PLCH1: variants seen among roughly 807,000 people sequenced by gnomAD.
The protein encoded by PLCH1 is 1-phosphatidylinositol 4,5-bisphosphate phosphodiesterase eta-1.
A neutral mutation model predicts 126.7 loss-of-function variants in PLCH1; 60 were observed. The observed-to-expected ratio is 0.47, with a 90% CI of 0.38 to 0.59. The LOEUF (loss-of-function observed/expected upper bound fraction) is 0.59. PLCH1 is among the 20% of genes least tolerant of loss of function. PLCH1 has a pLI of 0.00. For missense variants in PLCH1, 1,723 were observed against 2,040.0 expected (o/e 0.84, Z 2.99); for synonymous variants, 719 against 734.9 (o/e 0.98, Z 0.35).
chr3:155,729,186 T>A (rs545026270), intron 1 of PLCH1, among the ~76,000 whole-genome samples: 14 of 152,248 alleles, frequency 9.2e-5, no homozygotes, highest in Non-Finnish European at 1.8e-4. Flanking sequence ...CAATTCATCT[T>A]ATCCTCTCTT....
At chr3:155,727,639 C>T (rs981491218) in intron 1 of PLCH1, among the ~76,000 whole-genome samples, 1 of 152,142 alleles carries the variant, frequency 6.6e-6, no homozygotes, top group Admixed American at 6.5e-5. Flanking sequence ...CCGCCCGTCT[C>T]GGCCTCCCAA....
intron 10 of PLCH1, among the ~76,000 whole-genome samples, chr3:155,532,766 T>G (rs551538866): frequency 6.6e-6 from 1 of 152,180 alleles, no homozygotes; most frequent in Non-Finnish European, 1.5e-5. Context: ...TTAAACCTCT[T>G]TCCTCTATAA....
chr3:155,673,270 C>A (rs747152786), intron 2 of PLCH1, among the ~76,000 whole-genome samples: 4 of 151,950 alleles, frequency 2.6e-5, no homozygotes, highest in Non-Finnish European at 4.4e-5. Flanking sequence ...GAATGTTCCT[C>A]TATTACAGTA....
intron 10 of PLCH1, 95 bp from the exon 11 acceptor site, chr3:155,524,099 G>A: frequency 1.3e-6 from 1 of 759,748 alleles, no homozygotes; most frequent in Non-Finnish European, 2.3e-6. Flanking sequence ...TGGATGAGAG[G>A]ATAAACAAAA....
intron 1 of PLCH1, among the ~76,000 whole-genome samples, chr3:155,741,018 C>T (rs1428477190): frequency 6.6e-6 from 1 of 152,170 alleles, no homozygotes; most frequent in African/African-American, 2.4e-5. Context: ...TTGGTTGTCC[C>T]TTCTGCATCT....
At chr3:155,461,149 C>T (rs1452970931) in intron 21 of PLCH1, among the ~76,000 whole-genome samples, 2 of 152,188 alleles carry the variant, frequency 1.3e-5, no homozygotes, top group African/African-American at 4.8e-5. Context: ...TATGTCACAG[C>T]ACATTATGCT....
chr3:155,482,046 G>C lies in PLCH1; in HGVS notation c.3980C>G (p.Ser1327Cys). The C allele has an allele frequency of 6.2e-7, 1 of 1,614,184 alleles. No individual in the cohort carries two copies. Among genetic ancestry groups the C allele is most frequent in the African/African-American group, 1.3e-5 (1 of 75,064 alleles). Residue 1327 changes from serine to cysteine, a missense_variant, in exon 23 of 23, where the codon TCT becomes TGT. Physicochemically the swap from Ser to Cys is moderately radical, Grantham distance 112. Transcript: ENST00000460012. ...ATCCTCCAGGGTCAAATCAGGGGAAGAGGCAGGGCTGCAGCTCTTCAGTGT... is the reference window on the plus strand; with the variant it reads ...ATCCTCCAGGGTCAAATCAGGGGAACAGGCAGGGCTGCAGCTCTTCAGTGT... ...WETLKSCSPA[S>C]SPDLTLEDVI... is the part of the protein sequence containing the mutation.
chr3:155,482,711 A>G lies in PLCH1; in HGVS notation c.3315T>C (p.Pro1105=). 1 of 1,614,200 alleles carries G rather than the reference A, an allele frequency of 6.2e-7. No homozygotes were observed. The highest frequency in any genetic ancestry group is 8.5e-7 in the Non-Finnish European group (1 of 1,180,032). ...HGVKIKEKGN[P]EDFVEGKSIL... is the part of the protein sequence containing the mutation. Reference sequence around the variant, plus strand: ...TGCTTTTCCCTTCCACAAAGTCCTCAGGATTACCCTTTTCCTTGATTTTCA... The same window carrying G: ...TGCTTTTCCCTTCCACAAAGTCCTCGGGATTACCCTTTTCCTTGATTTTCA... The change falls in exon 23 of 23, where the codon CCT becomes CCC. Residue 1105 remains proline (P), a synonymous_variant. Coordinates refer to ENST00000460012, the MANE Select transcript of PLCH1 (RefSeq NM_014996.4).
At chr3:155,659,343 T>TTTC (rs1559907111) in intron 2 of PLCH1, among the ~76,000 whole-genome samples, 1 of 124,980 alleles carries the variant, frequency 8.0e-6, no homozygotes, top group African/African-American at 3.2e-5. Context: ...TTTTTTTTTT[T>TTTC]CCGAGATAGG....
intron 21 of PLCH1, chr3:155,457,015 G>C (rs1273741703): frequency 6.6e-6 from 1 of 152,340 alleles, no homozygotes. Context: ...CTTGGCATCT[G>C]ATTTGGGAAC....
chr3:155,473,524 C>A (rs560306643), intron 21 of PLCH1, among the ~76,000 whole-genome samples: 8 of 149,478 alleles, frequency 5.4e-5, no homozygotes, highest in Non-Finnish European at 1.0e-4. Context: ...AGATTCAATG[C>A]CATCCCCATC....
chr3:155,650,310 C>T (rs1285779078), intron 2 of PLCH1, among the ~76,000 whole-genome samples: 1 of 152,278 alleles, frequency 6.6e-6, no homozygotes, highest in East Asian at 1.9e-4. Context: ...AAATCCAAAT[C>T]CATGCCCTTG....
At chr3:155,456,040 G>T (rs1712434671) in intron 21 of PLCH1, among the ~76,000 whole-genome samples, 1 of 152,174 alleles carries the variant, frequency 6.6e-6, no homozygotes, top group South Asian at 2.1e-4. Flanking sequence ...AGTGTTGTCT[G>T]CCCTGTCGAT....
chr3:155,537,198 AAAC>A (rs549520176), intron 10 of PLCH1, among the ~76,000 whole-genome samples: 1 of 128,102 alleles, frequency 7.8e-6, no homozygotes, highest in Non-Finnish European at 1.6e-5. Context: ...AAAAAAAAAA[AAAC>A]CAAAAAAAAA....
At chr3:155,649,073 C>T (rs1384014384) in intron 2 of PLCH1, among the ~76,000 whole-genome samples, 1 of 152,052 alleles carries the variant, frequency 6.6e-6, no homozygotes, top group African/African-American at 2.4e-5. Flanking sequence ...AAAAGTAAGC[C>T]TGGCTGTGGC....
At chr3:155,513,543 G>A (rs1451055899) in intron 12 of PLCH1, among the ~76,000 whole-genome samples, 1 of 152,190 alleles carries the variant, frequency 6.6e-6, no homozygotes, top group African/African-American at 2.4e-5. Flanking sequence ...ACAAGAAGCA[G>A]AATCAAGATG....
At chr3:155,740,238 C>G (rs2109213889) in intron 1 of PLCH1, among the ~76,000 whole-genome samples, 1 of 152,026 alleles carries the variant, frequency 6.6e-6, no homozygotes, top group South Asian at 2.1e-4. Flanking sequence ...TGGCAAAACC[C>G]CATCTCTACT....
intron 10 of PLCH1, among the ~76,000 whole-genome samples, chr3:155,535,975 C>T (rs1723299772): frequency 6.6e-6 from 1 of 152,200 alleles, no homozygotes; most frequent in South Asian, 2.1e-4. Flanking sequence ...GCTGAGAGAC[C>T]TGAAGACAGA....
chr3:155,479,487 G>A (rs150545378), downstream of PLCH1, among the ~76,000 whole-genome samples: 7 of 152,116 alleles, frequency 4.6e-5, no homozygotes, highest in Admixed American at 1.3e-4. Flanking sequence ...CCCTCACATT[G>A]CAAAGCTTCA....
Sources: allele counts gnomAD v4.1 joint callset (sites outside exome capture counted in the v4.1 genomes callset), GRCh38; gene constraint gnomAD v4.1.1; transcripts MANE v1.5; gene names NCBI Gene and HGNC (gene_info 2026-07-23, HGNC 2026-07-21).